Variants in PPFIA3 observed in about 807,000 individuals in gnomAD.
PPFIA3 encodes liprin-alpha-3.
Under a neutral mutation model 145.8 loss-of-function variants are expected in PPFIA3, and 26 were observed. That is an observed-to-expected ratio of 0.18 (90% confidence interval 0.13 to 0.25). The LOEUF is 0.25. Ranked by LOEUF, PPFIA3 falls within the 10% of genes least tolerant of loss-of-function variation. PPFIA3 has a pLI of 1.00. For missense variants in PPFIA3, 1,008 were observed against 1,587.8 expected (o/e 0.63, Z 6.21); for synonymous variants, 645 against 661.4 (o/e 0.98, Z 0.38).
chr19:49,149,327 T>TGGGCGCGGCAACAGCTCAGA lies in PPFIA3; in HGVS notation c.3354+7_3354+26dup, dbSNP rs753792051. 3 of 1,613,338 alleles carry TGGGCGCGGCAACAGCTCAGA rather than the reference T, an allele frequency of 1.9e-6. No homozygotes were observed. The highest frequency in any genetic ancestry group is 1.7e-5 in the Admixed American group (1 of 59,964). The stretch of plus-strand genomic sequence containing the variant: ...GGCACAGACAGGCGGCTGGACGAGG[T>TGGGCGCGGCAACAGCTCAGA]GGGCGCGGCAACAGCTCAGAGGGCT... On this transcript the variant is annotated splice_region_variant and intron_variant, in intron 27 of 29. Transcript: ENST00000334186. The surrounding 1 kb of genome is among the most constrained non-coding windows in gnomAD (Gnocchi z 5.7).
rs2122557081 is a variant in PPFIA3, at chr19:49,130,558, G to A, written c.838G>A (p.Ala280Thr). ...CACCGCGCACCGTGAGCTGGGCAAGGCAGAGGAAGCCAACTCCAAGCTGCA... is the reference window on the plus strand; with the variant it reads ...CACCGCGCACCGTGAGCTGGGCAAGACAGAGGAAGCCAACTCCAAGCTGCA... ...LGTAHRELGK[A>T]EEANSKLQRD... Residue 280 changes from alanine to threonine, a missense_variant, in exon 7 of 30, where the codon GCA becomes ACA. Ala to Thr is a moderately conservative substitution (Grantham distance 58). Coordinates refer to ENST00000334186, the MANE Select transcript of PPFIA3 (RefSeq NM_003660.4). This position sits in a 1 kb window ranked among gnomAD's most constrained non-coding sequence, Gnocchi z 4.5. 6.4e-7 allele frequency: 1 copy of A among 1,568,252 alleles called. No homozygotes were observed. The highest frequency in any genetic ancestry group is 2.3e-5 in the East Asian group (1 of 42,654).
At chr19:49,121,091 C>T (rs989063363) in intron 1 of PPFIA3, among the ~76,000 whole-genome samples, 12 of 152,136 alleles carry the variant, frequency 7.9e-5, no homozygotes, top group African/African-American at 2.9e-4. Context: ...CCCCAGGTGG[C>T]GGGCTTCAGG....
rs148159505 is a variant in PPFIA3 at position 49,147,558 on chromosome 19, G to A, written c.2836-525G>A. On this transcript the variant is annotated intron_variant, in intron 23 of 29. Coordinates refer to ENST00000334186, the MANE Select transcript of PPFIA3 (RefSeq NM_003660.4). ...AAAAATTAGCCGGGCGTGGTGGCTC[G>A]TACCTGTAATCCCAGCTACTCGAAG... 2.8e-3 allele frequency among the ~76,000 whole-genome samples: 422 copies of A among 151,864 alleles called. 6 individuals carry two copies. Among genetic ancestry groups the A allele is most frequent in the South Asian group, 0.014 (67 of 4,792 alleles).
chr19:49,138,408 G>A lies in PPFIA3; in HGVS notation c.2057G>A (p.Arg686His), dbSNP rs752851802. 37 of 1,554,458 alleles carry A rather than the reference G, an allele frequency of 2.4e-5. No individual in the cohort carries two copies. The highest frequency in any genetic ancestry group is 2.2e-4 in the Middle Eastern group (1 of 4,480). The change falls in exon 16 of 30, where the codon CGT becomes CAT. Residue 686 changes from arginine (R) to histidine (H), a missense_variant. Arg to His is a conservative substitution (Grantham distance 29). Transcript: ENST00000334186. The stretch of plus-strand genomic sequence containing the variant: ...CGCCTGGCACCCCCTAGCCCTGCCC[G>A]TGAGGGCACCGACAAGGCTGTGAGT... ...TPRLAPPSPAREGTDKANHVP... is the reference protein window; with the variant it reads ...TPRLAPPSPAHEGTDKANHVP...
intron 15 of PPFIA3, among the ~76,000 whole-genome samples, chr19:49,137,403 A>T (rs1173822715): frequency 6.6e-6 from 1 of 152,024 alleles, no homozygotes; most frequent in Non-Finnish European, 1.5e-5. Flanking sequence ...CCAGCGGATC[A>T]TGAGGTCATG....
At chr19:49,132,423 A>AAAAAG (rs1568436284) in intron 7 of PPFIA3, among the ~76,000 whole-genome samples, 1 of 149,226 alleles carries the variant, frequency 6.7e-6, no homozygotes, top group African/African-American at 2.5e-5. Context: ...AAAAAAAAGA[A>AAAAAG]AGAGAGAGAG....
chr19:49,131,427 A>T (rs2041071233), intron 7 of PPFIA3, among the ~76,000 whole-genome samples: 1 of 147,762 alleles, frequency 6.8e-6, no homozygotes, highest in Non-Finnish European at 1.5e-5. Flanking sequence ...TCAAGTGATC[A>T]GCTCGCCTCG....
chr19:49,123,189 T>C (rs893845421), intron 1 of PPFIA3, among the ~76,000 whole-genome samples: 1 of 151,638 alleles, frequency 6.6e-6, no homozygotes, highest in African/African-American at 2.4e-5. Flanking sequence ...CCACCACGCC[T>C]GGCTAATTTT....
At chr19:49,146,317 G>A (rs2041280146) in intron 23 of PPFIA3, 125 bp downstream of exon 23, 2 of 1,236,766 alleles carry the variant, frequency 1.6e-6, no homozygotes, top group Admixed American at 2.3e-5. Flanking sequence ...GGGGCGCTGC[G>A]CCAAGCTTGG....
Position 49,128,661 on chromosome 19 carries a change from A to G in PPFIA3, c.343-187A>G. On this transcript the variant is annotated intron_variant, in intron 3 of 29. Coordinates refer to ENST00000334186, the MANE Select transcript of PPFIA3 (RefSeq NM_003660.4). The surrounding 1 kb of genome is among the most constrained non-coding windows in gnomAD (Gnocchi z 4.1). ...GCCACTCCTTCCTCCCTGTCTCCAT[A>G]ACTTTTCTCTTTTCTGTACCACCGG... 4 of 749,044 alleles carry G rather than the reference A, an allele frequency of 5.3e-6. No homozygotes were observed. The highest frequency in any genetic ancestry group is 8.5e-6 in the Non-Finnish European group (4 of 470,788). The allele number at this position is 749,044 out of a possible 1,614,324, so 46.4% of individuals were successfully genotyped here. A position where few individuals can be genotyped will look rare whatever the true frequency, so the allele number is the denominator to read the frequency against.
Position 49,145,077 on chromosome 19 carries a change from C to T in PPFIA3, c.2746-866C>T, listed in dbSNP as rs151230505. On this transcript the variant is annotated intron_variant, in intron 21 of 29. Transcript: ENST00000334186. ...TCCTGAGTAGCTGGGATTAAAGGCACACGCCACCATGCCCAGCTAATTTTT... is the reference window on the plus strand; with the variant it reads ...TCCTGAGTAGCTGGGATTAAAGGCATACGCCACCATGCCCAGCTAATTTTT... Among the ~76,000 whole-genome samples the T allele has an allele frequency of 9.1e-4, 139 of 152,050 alleles. 2 individuals carry two copies. In the East Asian group the frequency reaches 0.026, roughly 28 times the overall value.
rs1175621883 is a variant in PPFIA3 at position 49,150,138 on chromosome 19, G to A, written c.3585G>A (p.Ter1195=). The A allele has an allele frequency of 2.5e-6, 4 of 1,609,454 alleles. No individual in the cohort carries two copies. The South Asian group carries it at 3.3e-5, about 13-fold the overall frequency. The change falls in exon 29 of 30, where the codon TAG becomes TAA. Residue 1195 remains the stop codon, a stop_retained_variant. Transcript: ENST00000334186. ...DGVSVRTYSC[*] ...TTTCGGTCCGGACCTATTCCTGCTA[G>A]TGCAGGCCTCCAGGTGAGGACCGTG...
chr19:49,148,377 T>C, intron 24 of PPFIA3, 119 bp downstream of exon 24: 1 of 1,157,956 alleles, frequency 8.6e-7, no homozygotes, highest in East Asian at 2.6e-5. Context: ...TTAGCCTGAG[T>C]TCTCAGGAAA....
rs1299331439 is a variant in PPFIA3, at chr19:49,133,897, T to G, written c.1245+18T>G. On this transcript the variant is annotated intron_variant, in intron 10 of 29. Coordinates refer to ENST00000334186, the MANE Select transcript of PPFIA3 (RefSeq NM_003660.4). This position sits in a 1 kb window ranked among gnomAD's most constrained non-coding sequence, Gnocchi z 7.2. ...TGCAGCGGGTGAGGGGGCGGAAGACTGCACAGAGGGTGGGGCTTCGAGGCT... is the reference window on the plus strand; with the variant it reads ...TGCAGCGGGTGAGGGGGCGGAAGACGGCACAGAGGGTGGGGCTTCGAGGCT... 5 of 1,608,552 alleles carry G rather than the reference T, an allele frequency of 3.1e-6. No homozygotes were observed. The highest frequency in any genetic ancestry group is 1.4e-5 in the African/African-American group (1 of 73,290).
chr19:49,143,180 G>C lies in PPFIA3; in HGVS notation c.2745+176G>C, dbSNP rs528370151. ...ACTTGGCCTGTGGTCCGTCCCTGTG[G>C]TACTCCAGGAGGGGCCCAGGCCACC... is the stretch of plus-strand genomic sequence containing the variant. On this transcript the variant is annotated intron_variant, in intron 21 of 29. Coordinates refer to ENST00000334186, the MANE Select transcript of PPFIA3 (RefSeq NM_003660.4). Among the ~76,000 whole-genome samples, 5 of 152,144 alleles carry C rather than the reference G, an allele frequency of 3.3e-5. No individual in the cohort carries two copies. The South Asian group carries it at 1.0e-3, about 32-fold the overall frequency.
At chr19:49,146,057 G>C in intron 22 of PPFIA3, 52 bp downstream of exon 22, 1 of 1,608,690 alleles carries the variant, frequency 6.2e-7, no homozygotes, top group Non-Finnish European at 8.5e-7. Flanking sequence ...TTCTTTGGGG[G>C]TGGGGGCGGG....
At position 49,138,396 on chromosome 19, in the gene PPFIA3, C is replaced by A; in HGVS notation, c.2045C>A (p.Pro682His). The change falls in exon 16 of 30, where the codon CCT (proline) becomes CAT (histidine). Residue 682 changes from proline (P) to histidine (H), a missense_variant. Physicochemically the swap from Pro to His is moderately conservative, Grantham distance 77. Coordinates refer to ENST00000334186, the MANE Select transcript of PPFIA3 (RefSeq NM_003660.4). ...SGHSTPRLAPPSPAREGTDKA... is the reference protein window; with the variant it reads ...SGHSTPRLAPHSPAREGTDKA... The stretch of plus-strand genomic sequence containing the variant: ...CACTCAACACCCCGCCTGGCACCCC[C>A]TAGCCCTGCCCGTGAGGGCACCGAC... 1 of 1,574,174 alleles carries A rather than the reference C, an allele frequency of 6.4e-7. No homozygotes were observed. The highest frequency in any genetic ancestry group is 8.6e-7 in the Non-Finnish European group (1 of 1,157,916).
At chr19:49,126,342 G>A (rs1040435411) in intron 1 of PPFIA3, among the ~76,000 whole-genome samples, 38 of 151,546 alleles carry the variant, frequency 2.5e-4, no homozygotes, top group South Asian at 4.2e-4. Flanking sequence ...TCCACCTCCC[G>A]GGTTCAAGCG....
chr19:49,137,114 C>T, intron 15 of PPFIA3: 1 of 457,180 alleles, frequency 2.2e-6, no homozygotes, highest in Non-Finnish European at 3.8e-6. Context: ...CACATATACC[C>T]CCCAGCCAGT....
Sources: gnomAD v4.1 joint callset for allele counts (sites outside exome capture counted in the v4.1 genomes callset) on GRCh38, gnomAD v4.1.1 for gene constraint, Gnocchi (gnomAD v3.1) non-coding constraint, MANE v1.5 for transcripts, NCBI Gene and HGNC (gene_info 2026-07-23, HGNC 2026-07-21) for gene names.